MIR2052HG: variants seen among roughly 807,000 people sequenced by gnomAD.
MIR2052HG encodes the protein MIR2052 host gene.
chr8:74,649,031 C>A (rs1486963807), intron 2 of MIR2052HG, among the ~76,000 whole-genome samples: 2 of 151,602 alleles, frequency 1.3e-5, no homozygotes, highest in Non-Finnish European at 2.9e-5. Context: ...CACTGAGCAC[C>A]CATATGAATA....
chr8:74,676,236 A>T (rs972713876), intron 2 of MIR2052HG, among the ~76,000 whole-genome samples: 2 of 152,040 alleles, frequency 1.3e-5, no homozygotes, highest in Non-Finnish European at 2.9e-5. Context: ...TATTTTAAAC[A>T]TATGTAGATG....
At chr8:74,602,453 T>G (rs1045675992) in intron 1 of MIR2052HG, among the ~76,000 whole-genome samples, 1 of 151,878 alleles carries the variant, frequency 6.6e-6, no homozygotes, top group East Asian at 1.9e-4. Context: ...GAAATAACCA[T>G]AAAAATAGAC....
At chr8:74,604,136 T>C in intron 1 of MIR2052HG, 1 of 889,318 alleles carries the variant, frequency 1.1e-6, no homozygotes. Flanking sequence ...CGCATCTTCT[T>C]AACTGATTCT....
At chr8:74,658,783 C>T (rs1808833021) in intron 2 of MIR2052HG, among the ~76,000 whole-genome samples, 2 of 152,170 alleles carry the variant, frequency 1.3e-5, no homozygotes, top group Middle Eastern at 6.8e-3. Context: ...TTTCTCTAAG[C>T]ACTTAATGTG....
chr8:74,670,722 T>C (rs910775657), intron 2 of MIR2052HG, among the ~76,000 whole-genome samples: 1 of 152,134 alleles, frequency 6.6e-6, no homozygotes, highest in African/African-American at 2.4e-5. Context: ...CAGACATTGA[T>C]AAAACAAGCC....
intron 2 of MIR2052HG, among the ~76,000 whole-genome samples, chr8:74,665,205 C>A (rs1356136652): frequency 6.6e-6 from 1 of 152,176 alleles, no homozygotes; most frequent in African/African-American, 2.4e-5. Flanking sequence ...TGCCAATATG[C>A]TACTCTCCCA....
At chr8:74,629,551 A>G (rs185199796) in intron 2 of MIR2052HG, among the ~76,000 whole-genome samples, 1 of 152,242 alleles carries the variant, frequency 6.6e-6, no homozygotes, top group African/African-American at 2.4e-5. Flanking sequence ...TGTTAGTCAT[A>G]GGCTTCAGGG....
chr8:74,602,817 G>GTTTCTTTCTTTCTTTATTTCTTTCTTTC, intron 1 of MIR2052HG, among the ~76,000 whole-genome samples: 1 of 73,850 alleles, frequency 1.4e-5, no homozygotes, highest in East Asian at 7.3e-4. Flanking sequence ...GCCCGGCCGT[G>GTTTCTTTCTTTCTTTATTTCTTTCTTTC]TTTCTTTCTT....
At chr8:74,682,088 CTG>C (rs1809131612) in intron 2 of MIR2052HG, among the ~76,000 whole-genome samples, 1 of 152,122 alleles carries the variant, frequency 6.6e-6, no homozygotes, top group Non-Finnish European at 1.5e-5. Flanking sequence ...ATTTGCTTGA[CTG>C]TGGTGATCAT....
At chr8:74,618,047 G>A (rs1808309570) in intron 2 of MIR2052HG, among the ~76,000 whole-genome samples, 1 of 152,146 alleles carries the variant, frequency 6.6e-6, no homozygotes, top group Non-Finnish European at 1.5e-5. Flanking sequence ...ACTTCTAAAT[G>A]GGGAAGTGCC....
At chr8:74,632,746 T>G (rs879934119) in intron 2 of MIR2052HG, among the ~76,000 whole-genome samples, 1 of 152,176 alleles carries the variant, frequency 6.6e-6, no homozygotes, top group Non-Finnish European at 1.5e-5. Flanking sequence ...CTGGGTGAGA[T>G]AATTATCATG....
chr8:74,749,195 A>G (rs1809918203), intron 4 of MIR2052HG, among the ~76,000 whole-genome samples: 2 of 152,222 alleles, frequency 1.3e-5, no homozygotes, highest in Admixed American at 6.5e-5. Context: ...AAATTGCAAC[A>G]TACTGTCAGC....
chr8:74,626,885 A>C (rs149575474), intron 2 of MIR2052HG, among the ~76,000 whole-genome samples: 1 of 152,258 alleles, frequency 6.6e-6, no homozygotes, highest in African/African-American at 2.4e-5. Context: ...GCTGCTGAAA[A>C]CCTTTCATAT....
At chr8:74,735,507 C>G (rs950959446) in intron 4 of MIR2052HG, among the ~76,000 whole-genome samples, 3 of 152,022 alleles carry the variant, frequency 2.0e-5, no homozygotes, top group Non-Finnish European at 2.9e-5. Flanking sequence ...GCTCCCCGGG[C>G]TCCATGTATC....
intron 2 of MIR2052HG, among the ~76,000 whole-genome samples, chr8:74,661,895 C>T (rs567405692): frequency 2.0e-5 from 3 of 152,196 alleles, no homozygotes; most frequent in South Asian, 2.1e-4. Flanking sequence ...ATGTCTGATT[C>T]GTTGCTAATT....
intron 2 of MIR2052HG, among the ~76,000 whole-genome samples, chr8:74,620,521 C>T (rs140868074): frequency 9.1e-4 from 138 of 152,342 alleles, no homozygotes; most frequent in African/African-American, 3.2e-3. Flanking sequence ...TCCCAAACCT[C>T]AATTCTTGAC....
chr8:74,755,863 C>T (rs192314405), intron 5 of MIR2052HG, among the ~76,000 whole-genome samples: 1 of 152,254 alleles, frequency 6.6e-6, no homozygotes, highest in Admixed American at 6.5e-5. Flanking sequence ...AATCACGTGG[C>T]TGGGTACTGA....
At chr8:74,752,541 G>A (rs1360065274) in intron 5 of MIR2052HG, 4 of 454,488 alleles carry the variant, frequency 8.8e-6, no homozygotes, top group Non-Finnish European at 1.8e-5. Flanking sequence ...AAAGTAAGTA[G>A]GAAAGATATT....
chr8:74,730,996 T>C (rs1366560946), intron 4 of MIR2052HG, among the ~76,000 whole-genome samples: 1 of 152,198 alleles, frequency 6.6e-6, no homozygotes, highest in Non-Finnish European at 1.5e-5. Context: ...TGGGAACTTA[T>C]GACTACCCAT....
Sources: allele counts gnomAD v4.1 joint callset (sites outside exome capture counted in the v4.1 genomes callset), GRCh38; gene constraint gnomAD v4.1.1; transcripts MANE v1.5; gene names NCBI Gene and HGNC (gene_info 2026-07-23, HGNC 2026-07-21).